Variants in SOX11 observed in about 807,000 individuals in gnomAD.
SOX11 encodes the protein transcription factor SOX-11.
Under a neutral mutation model 16.7 loss-of-function variants are expected in SOX11, and 5 were observed. The ratio of observed to expected loss-of-function variants is 0.30; its 90% confidence interval spans 0.16 to 0.63. The LOEUF (loss-of-function observed/expected upper bound fraction) is 0.63, where lower values mean the gene tolerates loss of function less well. Ranked by LOEUF, SOX11 falls within the 20% of genes least tolerant of loss-of-function variation. The pLI is 0.82. For synonymous variants in SOX11, 363 were observed against 298.8 expected (o/e 1.21, Z -2.22); for missense variants, 492 against 641.5 (o/e 0.77, Z 2.52).
In SOX11 at chr2:5,692,574, G is replaced by A. The variant is rs186010692; in HGVS notation, c.-148G>A. 210 of 649,632 alleles carry A rather than the reference G, an allele frequency of 3.2e-4. No individual in the cohort carries two copies. In the Middle Eastern group the frequency reaches 7.4e-3, roughly 23 times the overall value. 40.2% of individuals were successfully genotyped at this position (649,632 alleles called of 1,614,324 possible). A position where few individuals can be genotyped will look rare whatever the true frequency, so the allele number is the denominator to read the frequency against. On this transcript the variant is annotated 5_prime_UTR_variant, in exon 1 of 1. Coordinates refer to ENST00000322002, the MANE Select transcript of SOX11 (RefSeq NM_003108.4). ...ACAGCCGCTGTGTGCAGCCTGGAAGGGGGGGCGGGGGGGAGGGGGGGAGCC... is the reference window on the plus strand; with the variant it reads ...ACAGCCGCTGTGTGCAGCCTGGAAGAGGGGGCGGGGGGGAGGGGGGGAGCC...
chr2:5,693,509 C>T lies in SOX11; in HGVS notation c.788C>T (p.Pro263Leu), dbSNP rs779898240. ...CTCCTGCAGCCGCCGGGGCAGCAGC[C>T]GTCGCAGCTGCTGAGACGCTACAAC... ...QQLLQPPGQQ[P>L]SQLLRRYNVA... The change falls in exon 1 of 1, where the codon CCG becomes CTG. Residue 263 changes from proline (P) to leucine (L), a missense_variant. Physicochemically the swap from Pro to Leu is moderately conservative, Grantham distance 98. Around this residue, in one of 4 missense-constraint regions of SOX11, gnomAD observed 389 missense variants for 389.0 expected, o/e 1.00. Transcript: ENST00000322002. This position sits in a 1 kb window ranked among gnomAD's most constrained non-coding sequence, Gnocchi z 8.6. The T allele has an allele frequency of 6.3e-7, 1 of 1,576,338 alleles. No individual in the cohort carries two copies. The highest frequency in any genetic ancestry group is 1.8e-5 in the Admixed American group (1 of 56,208).
In SOX11 at chr2:5,698,738, G is replaced by A. The variant is rs1042148169; in HGVS notation, c.*4691G>A. On this transcript the variant is annotated 3_prime_UTR_variant, in exon 1 of 1. Transcript: ENST00000322002. ...TCTTTTTAATGTTAATCAAGGGGAAGTGATTTAAATATGCATAAATGTAGC... is the reference window on the plus strand; with the variant it reads ...TCTTTTTAATGTTAATCAAGGGGAAATGATTTAAATATGCATAAATGTAGC... 4 of 167,076 alleles carry A rather than the reference G, an allele frequency of 2.4e-5. No individual in the cohort carries two copies. Among genetic ancestry groups the A allele is most frequent in the Non-Finnish European group, 5.9e-5 (4 of 68,114 alleles). 10.3% of individuals were successfully genotyped at this position (167,076 alleles called of 1,614,324 possible).
At position 5,692,500 on chromosome 2, in the gene SOX11, C is replaced by A. The variant is rs1007639485; in HGVS notation, c.-222C>A. ...CCGCCGTCGCCACCGCCTCTCCTGT[C>A]GCGACCGCAGCTCCCACCGCGCCGG... On this transcript the variant is annotated 5_prime_UTR_variant, in exon 1 of 1. Coordinates refer to ENST00000322002, the MANE Select transcript of SOX11 (RefSeq NM_003108.4). Among the ~76,000 whole-genome samples the A allele has an allele frequency of 4.0e-5, 6 of 150,296 alleles. No homozygotes were observed. Among genetic ancestry groups the A allele is most frequent in the African/African-American group, 7.4e-5 (3 of 40,788 alleles).
Position 5,693,339 on chromosome 2 carries a change from C to A in SOX11, c.618C>A (p.Ser206Arg), listed in dbSNP as rs1665670241. Residue 206 changes from serine (S) to arginine (R), a missense_variant, in exon 1 of 1, where the codon AGC becomes AGA. This residue lies in a region of SOX11 where 389 missense variants were observed against 389.0 expected (regional missense o/e 1.00). Coordinates refer to ENST00000322002, the MANE Select transcript of SOX11 (RefSeq NM_003108.4). This position sits in a 1 kb window ranked among gnomAD's most constrained non-coding sequence, Gnocchi z 8.6. ...ACGTGCTGGGCAGCCTGCGCGTGAGCGGCTCGGGCGGCGGCGGCGCGGGCA... is the reference window on the plus strand; with the variant it reads ...ACGTGCTGGGCAGCCTGCGCGTGAGAGGCTCGGGCGGCGGCGGCGCGGGCA... The part of the protein sequence containing the change: ...DDYVLGSLRV[S>R]GSGGGGAGKT... 4.4e-6 allele frequency: 7 copies of A among 1,589,132 alleles called. No homozygotes were observed. The highest frequency in any genetic ancestry group is 5.9e-6 in the Non-Finnish European group (7 of 1,176,728).
rs750721557 is a variant in SOX11 at position 5,693,414 on chromosome 2, C to A, written c.693C>A (p.Asp231Glu). ...ATGAGGACGACGACGACGACGACGA[C>A]GACGACGAGCTGCAGCTGCAGATCA... ...FLDEDDDDDDDDDELQLQIKQ... is the reference protein window; with the variant it reads ...FLDEDDDDDDEDDELQLQIKQ... Residue 231 changes from aspartate (D) to glutamate (E), a missense_variant, in exon 1 of 1, where the codon GAC (aspartate) becomes GAA (glutamate). Around this residue, in one of 4 missense-constraint regions of SOX11, gnomAD observed 389 missense variants for 389.0 expected, o/e 1.00. Transcript: ENST00000322002. This position sits in a 1 kb window ranked among gnomAD's most constrained non-coding sequence, Gnocchi z 8.6. 6 of 1,591,508 alleles carry A rather than the reference C, an allele frequency of 3.8e-6. No individual in the cohort carries two copies. Among genetic ancestry groups the A allele is most frequent in the African/African-American group, 1.3e-5 (1 of 74,910 alleles).
Position 5,698,015 on chromosome 2 carries a change from AAG to A in SOX11, c.*3972_*3973del, listed in dbSNP as rs1665772002. 1 of 160,584 alleles carries A rather than the reference AAG, an allele frequency of 6.2e-6. No homozygotes were observed. The highest frequency in any genetic ancestry group is 1.5e-5 in the Non-Finnish European group (1 of 66,824). The allele number at this position is 160,584 out of a possible 1,614,324, so 9.9% of individuals were successfully genotyped here. A position where few individuals can be genotyped will look rare whatever the true frequency, so the allele number is the denominator to read the frequency against. On this transcript the variant is annotated 3_prime_UTR_variant, in exon 1 of 1. Transcript: ENST00000322002. Reference sequence around the variant, plus strand: ...AGTAATAATTTGGCTTCAGAATGGGAAGAGATAGTCAAGATTTTTTTTTTTTA... The same window carrying A: ...AGTAATAATTTGGCTTCAGAATGGGAAGATAGTCAAGATTTTTTTTTTTTA...
chr2:5,693,344 C>T lies in SOX11; in HGVS notation c.623C>T (p.Ser208Leu), dbSNP rs1469878578. 10 of 1,588,378 alleles carry T rather than the reference C, an allele frequency of 6.3e-6. No homozygotes were observed. Among genetic ancestry groups the T allele is most frequent in the Admixed American group, 5.1e-5 (3 of 59,078 alleles). Residue 208 changes from serine to leucine, a missense_variant, in exon 1 of 1, where the codon TCG (serine) becomes TTG (leucine). By Grantham distance (145) the Ser-to-Leu change is moderately radical. Around this residue, in one of 4 missense-constraint regions of SOX11, gnomAD observed 389 missense variants for 389.0 expected, o/e 1.00. Coordinates refer to ENST00000322002, the MANE Select transcript of SOX11 (RefSeq NM_003108.4). The surrounding 1 kb of genome is among the most constrained non-coding windows in gnomAD (Gnocchi z 8.6). ...YVLGSLRVSG[S>L]GGGGAGKTVK... The stretch of plus-strand genomic sequence containing the variant: ...CTGGGCAGCCTGCGCGTGAGCGGCT[C>T]GGGCGGCGGCGGCGCGGGCAAGACG...
Position 5,694,500 on chromosome 2 carries a change from G to T in SOX11, c.*453G>T, listed in dbSNP as rs999587104. 9.4e-6 allele frequency: 3 copies of T among 318,746 alleles called. No homozygotes were observed. The highest frequency in any genetic ancestry group is 5.3e-5 in the East Asian group (1 of 18,832). 19.7% of individuals were successfully genotyped at this position (318,746 alleles called of 1,614,324 possible). A position where few individuals can be genotyped will look rare whatever the true frequency, so the allele number is the denominator to read the frequency against. On this transcript the variant is annotated 3_prime_UTR_variant, in exon 1 of 1. Transcript: ENST00000322002. ...CCCGCTCCGGAAGGCGCTGTTTGAAGCTTGTCGGTCTTTGAAGTCTGGAAG... is the reference window on the plus strand; with the variant it reads ...CCCGCTCCGGAAGGCGCTGTTTGAATCTTGTCGGTCTTTGAAGTCTGGAAG...
Position 5,693,596 on chromosome 2 carries a change from G to A in SOX11, c.875G>A (p.Ser292Asn). The change falls in exon 1 of 1, where the codon AGC (serine) becomes AAC (asparagine). Residue 292 changes from serine to asparagine, a missense_variant. Around this residue, in one of 4 missense-constraint regions of SOX11, gnomAD observed 389 missense variants for 389.0 expected, o/e 1.00. Coordinates refer to ENST00000322002, the MANE Select transcript of SOX11 (RefSeq NM_003108.4). The surrounding 1 kb of genome is among the most constrained non-coding windows in gnomAD (Gnocchi z 8.6). Reference sequence around the variant, plus strand: ...TCGGCGGAGTCCCCCGAGGGAGCGAGCCTCTACGACGAGGTGCGGGCCGGC... The same window carrying A: ...TCGGCGGAGTCCCCCGAGGGAGCGAACCTCTACGACGAGGTGCGGGCCGGC... The part of the protein sequence containing the change: ...SSSAESPEGA[S>N]LYDEVRAGAT... 6.4e-7 allele frequency: 1 copy of A among 1,564,288 alleles called. No individual in the cohort carries two copies. The highest frequency in any genetic ancestry group is 1.2e-5 in the South Asian group (1 of 86,888).
rs530981271 is a variant in SOX11 at position 5,701,047 on chromosome 2, A to T, written c.*7000A>T. 1.8e-5 allele frequency: 3 copies of T among 167,158 alleles called. No homozygotes were observed. The highest frequency in any genetic ancestry group is 7.2e-5 in the African/African-American group (3 of 41,558). The allele number at this position is 167,158 out of a possible 1,614,324, so 10.4% of individuals were successfully genotyped here. ...AGTGTTTGATAGCACTAGGGGGGAAAGAAAATGCATGGCAAAGTTTCGTCT... is the reference window on the plus strand; with the variant it reads ...AGTGTTTGATAGCACTAGGGGGGAATGAAAATGCATGGCAAAGTTTCGTCT... On this transcript the variant is annotated 3_prime_UTR_variant, in exon 1 of 1. Coordinates refer to ENST00000322002, the MANE Select transcript of SOX11 (RefSeq NM_003108.4).
rs1665721286 is a variant in SOX11 at position 5,695,997 on chromosome 2, T to A, written c.*1950T>A. ...GGAGGGGCGGATGGAGGGGCCTGGG[T>A]TGCCAGCTCCCTTGGTCGGGGTCCT... On this transcript the variant is annotated 3_prime_UTR_variant, in exon 1 of 1. Transcript: ENST00000322002. 1.2e-5 allele frequency: 2 copies of A among 166,582 alleles called. No homozygotes were observed. Among genetic ancestry groups the A allele is most frequent in the Non-Finnish European group, 2.9e-5 (2 of 68,238 alleles). 10.3% of individuals were successfully genotyped at this position (166,582 alleles called of 1,614,324 possible).
At position 5,693,593 on chromosome 2, in the gene SOX11, C is replaced by T. The variant is rs765121971; in HGVS notation, c.872C>T (p.Ala291Val). The T allele has an allele frequency of 7.1e-6, 11 of 1,555,236 alleles. No homozygotes were observed. Among genetic ancestry groups the T allele is most frequent in the Non-Finnish European group, 9.5e-6 (11 of 1,158,884 alleles). The change falls in exon 1 of 1, where the codon GCG becomes GTG. Residue 291 changes from alanine to valine, a missense_variant. By Grantham distance (64) the Ala-to-Val change is moderately conservative. Transcript: ENST00000322002. This position sits in a 1 kb window ranked among gnomAD's most constrained non-coding sequence, Gnocchi z 8.6. ...AGCTCGGCGGAGTCCCCCGAGGGAG[C>T]GAGCCTCTACGACGAGGTGCGGGCC... ...LSSSAESPEG[A>V]SLYDEVRAGA...
At position 5,700,035 on chromosome 2, in the gene SOX11, G is replaced by A. The variant is rs1195891766; in HGVS notation, c.*5988G>A. 6.0e-6 allele frequency: 1 copy of A among 167,094 alleles called. No individual in the cohort carries two copies. Among genetic ancestry groups the A allele is most frequent in the Non-Finnish European group, 1.5e-5 (1 of 68,132 alleles). The allele number at this position is 167,094 out of a possible 1,614,324, so 10.4% of individuals were successfully genotyped here. On this transcript the variant is annotated 3_prime_UTR_variant, in exon 1 of 1. Transcript: ENST00000322002. ...GGTAGAGATATTCTTACAAGATCTA[G>A]CACCTCTGCCAGTGCACAGATAGGA...
rs1188520466 is a variant in SOX11, at chr2:5,700,600, A to G, written c.*6553A>G. The G allele has an allele frequency of 6.0e-6, 1 of 166,978 alleles. No homozygotes were observed. The highest frequency in any genetic ancestry group is 6.5e-5 in the Admixed American group (1 of 15,286). 10.3% of individuals were successfully genotyped at this position (166,978 alleles called of 1,614,324 possible). ...TATACTCCATTCTCATTAATTTCCC[A>G]TTTTGTCTACTTTTACTCTTGTACA... On this transcript the variant is annotated 3_prime_UTR_variant, in exon 1 of 1. Coordinates refer to ENST00000322002, the MANE Select transcript of SOX11 (RefSeq NM_003108.4).
chr2:5,693,639 G>T lies in SOX11; in HGVS notation c.918G>T (p.Gly306=), dbSNP rs774704629. Residue 306 remains glycine (G), a synonymous_variant, in exon 1 of 1, where the codon GGG becomes GGT. Coordinates refer to ENST00000322002, the MANE Select transcript of SOX11 (RefSeq NM_003108.4). The surrounding 1 kb of genome is among the most constrained non-coding windows in gnomAD (Gnocchi z 8.6). ...GGGCCGGCGCGACCTCGGGCGCCGG[G>T]GGCGGCAGCCGCCTCTACTACAGCT... is the stretch of plus-strand genomic sequence containing the variant. ...EVRAGATSGA[G]GGSRLYYSFK... is the part of the protein sequence containing the mutation. 1.3e-6 allele frequency: 2 copies of T among 1,585,512 alleles called. No individual in the cohort carries two copies. The highest frequency in any genetic ancestry group is 1.7e-6 in the Non-Finnish European group (2 of 1,173,150).
At position 5,699,429 on chromosome 2, in the gene SOX11, G is replaced by A. The variant is rs1287397204; in HGVS notation, c.*5382G>A. The A allele has an allele frequency of 1.2e-5, 2 of 166,988 alleles. No individual in the cohort carries two copies. Among genetic ancestry groups the A allele is most frequent in the African/African-American group, 4.8e-5 (2 of 41,456 alleles). 10.3% of individuals were successfully genotyped at this position (166,988 alleles called of 1,614,324 possible). On this transcript the variant is annotated 3_prime_UTR_variant, in exon 1 of 1. Transcript: ENST00000322002. ...CCTATCCTAACACAGGGATTTACAA[G>A]TTCCCAAAGTAACCGTCTCCATGTA...
rs1197691282 is a variant in SOX11 at position 5,700,016 on chromosome 2, G to A, written c.*5969G>A. 6.0e-6 allele frequency: 1 copy of A among 167,058 alleles called. No individual in the cohort carries two copies. The highest frequency in any genetic ancestry group is 1.9e-4 in the East Asian group (1 of 5,202). The allele number at this position is 167,058 out of a possible 1,614,324, so 10.3% of individuals were successfully genotyped here. On this transcript the variant is annotated 3_prime_UTR_variant, in exon 1 of 1. Coordinates refer to ENST00000322002, the MANE Select transcript of SOX11 (RefSeq NM_003108.4). ...AAAAGTAATAACTTTATTGGGTAGA[G>A]ATATTCTTACAAGATCTAGCACCTC...
In SOX11 at chr2:5,693,306, C is replaced by A. The variant is rs768442838; in HGVS notation, c.585C>A (p.Gly195=). ...AAQSGDYGGA[G]DDYVLGSLRV... is the part of the protein sequence containing the mutation. The stretch of plus-strand genomic sequence containing the variant: ...AGTCCGGGGACTACGGGGGCGCGGG[C>A]GACGACTACGTGCTGGGCAGCCTGC... Residue 195 remains glycine (G), a synonymous_variant, in exon 1 of 1, where the codon GGC becomes GGA. Coordinates refer to ENST00000322002, the MANE Select transcript of SOX11 (RefSeq NM_003108.4). The surrounding 1 kb of genome is among the most constrained non-coding windows in gnomAD (Gnocchi z 8.6). The A allele has an allele frequency of 3.2e-6, 5 of 1,556,092 alleles. No individual in the cohort carries two copies. Among genetic ancestry groups the A allele is most frequent in the Middle Eastern group, 2.0e-4 (1 of 4,956 alleles).
chr2:5,693,554 G>T lies in SOX11; in HGVS notation c.833G>T (p.Ser278Ile). ...RRYNVAKVPA[S>I]PTLSSSAESP... ...TACAACGTCGCCAAAGTGCCCGCCA[G>T]CCCTACGCTGAGCAGCTCGGCGGAG... Residue 278 changes from serine to isoleucine, a missense_variant, in exon 1 of 1, where the codon AGC becomes ATC. By Grantham distance (142) the Ser-to-Ile change is moderately radical (BLOSUM62 -2). This residue lies in a region of SOX11 where 389 missense variants were observed against 389.0 expected (regional missense o/e 1.00). Transcript: ENST00000322002. This position sits in a 1 kb window ranked among gnomAD's most constrained non-coding sequence, Gnocchi z 8.6. The T allele has an allele frequency of 1.3e-6, 2 of 1,564,894 alleles. No individual in the cohort carries two copies. The highest frequency in any genetic ancestry group is 1.7e-6 in the Non-Finnish European group (2 of 1,162,564).
Sources: gnomAD v4.1 joint callset for allele counts (sites outside exome capture counted in the v4.1 genomes callset) on GRCh38, gnomAD v4.1.1 for gene constraint, gnomAD v4.1.1 regional missense constraint, Gnocchi (gnomAD v3.1) non-coding constraint, MANE v1.5 for transcripts, NCBI Gene and HGNC (gene_info 2026-07-23, HGNC 2026-07-21) for gene names.